Variants in FOXP1 observed in about 807,000 individuals in gnomAD.
The protein encoded by FOXP1 is forkhead box P1, also known as forkhead box protein P1.
Under a neutral mutation model 98.2 loss-of-function variants are expected in FOXP1, and 15 were observed. The observed-to-expected ratio is 0.15, with a 90% confidence interval of 0.10 to 0.24. The LOEUF (loss-of-function observed/expected upper bound fraction) is 0.24. FOXP1 is among the 10% of genes least tolerant of loss of function. FOXP1 has a pLI of 1.00. For missense variants in FOXP1, 633 were observed against 848.5 expected (o/e 0.75, Z 3.15); for synonymous variants, 371 against 314.5 (o/e 1.18, Z -1.90).
intron 5 of FOXP1, among the ~76,000 whole-genome samples, chr3:71,201,800 A>T (rs1397178843): frequency 6.6e-6 from 1 of 152,132 alleles, no homozygotes; most frequent in Non-Finnish European, 1.5e-5. Flanking sequence ...AGATTTAAAA[A>T]TATGTATATA....
At chr3:71,135,151 C>T (rs1437122377) in intron 6 of FOXP1, among the ~76,000 whole-genome samples, 5 of 147,982 alleles carry the variant, frequency 3.4e-5, no homozygotes, top group South Asian at 2.2e-4. Flanking sequence ...CCCAGCTGCT[C>T]GGGAGGCTAA....
chr3:71,087,354 A>G, intron 7 of FOXP1, among the ~76,000 whole-genome samples: 1 of 152,238 alleles, frequency 6.6e-6, no homozygotes, highest in East Asian at 1.9e-4. Context: ...TTAATTGATC[A>G]AACAACGACA....
rs9874207 is a variant in FOXP1, at chr3:70,970,599, T to C, written c.1722+137A>G. ...CCGATGTGTTTGCCTCCAGGGAGTA[T>C]GATGCTTTGTGCACTTAAGAAAAAA... is the stretch of plus-strand genomic sequence containing the variant. On this transcript the variant is annotated intron_variant, in intron 19 of 20. Transcript: ENST00000649528. 457,514 of 791,964 alleles carry C rather than the reference T, an allele frequency of 0.58. 142,059 individuals carry two copies. The highest frequency in any genetic ancestry group is 1 in the East Asian group (39,826 of 39,976). The allele number at this position is 791,964 out of a possible 1,614,324, so 49.1% of individuals were successfully genotyped here.
intron 5 of FOXP1, among the ~76,000 whole-genome samples, chr3:71,260,309 TCGGGG>T (rs1392756480): frequency 6.6e-6 from 1 of 151,976 alleles, no homozygotes; most frequent in Admixed American, 6.6e-5. Flanking sequence ...TAGGGAAGGC[TCGGGG>T]CGCGGGGGGA....
At chr3:71,573,158 G>A (rs1175315160) in intron 2 of FOXP1, among the ~76,000 whole-genome samples, 1 of 152,224 alleles carries the variant, frequency 6.6e-6, no homozygotes, top group Non-Finnish European at 1.5e-5. Flanking sequence ...TTTAGTAAAT[G>A]TGACTGTCCT....
chr3:71,056,984 C>T (rs987699933), intron 7 of FOXP1, among the ~76,000 whole-genome samples: 2 of 152,116 alleles, frequency 1.3e-5, no homozygotes, highest in Non-Finnish European at 2.9e-5. Context: ...CTATTACAGC[C>T]CACACTTTAT....
At chr3:71,417,188 A>G (rs1335830318) in intron 3 of FOXP1, among the ~76,000 whole-genome samples, 3 of 152,210 alleles carry the variant, frequency 2.0e-5, no homozygotes, top group African/African-American at 7.2e-5. Context: ...CAAATGGTAC[A>G]GACTCGCGAC....
Position 70,957,567 on chromosome 3 carries a change from G to C in FOXP1, c.*1680C>G. The C allele has an allele frequency of 4.3e-6, 1 of 232,186 alleles. No individual in the cohort carries two copies. The highest frequency in any genetic ancestry group is 6.1e-5 in the East Asian group (1 of 16,356). 14.4% of individuals were successfully genotyped at this position (232,186 alleles called of 1,614,324 possible). A position where few individuals can be genotyped will look rare whatever the true frequency, so the allele number is the denominator to read the frequency against. On this transcript the variant is annotated 3_prime_UTR_variant, in exon 21 of 21. Coordinates refer to ENST00000649528, the MANE Select transcript of FOXP1 (RefSeq NM_001349338.3). Reference sequence around the variant, plus strand: ...AAGAATATAAATTAAGCTTCGAAAGGCTCTCGAACTAAAAAAAACTACAGT... The same window carrying C: ...AAGAATATAAATTAAGCTTCGAAAGCCTCTCGAACTAAAAAAAACTACAGT...
chr3:71,347,918 A>G (rs576034107), intron 4 of FOXP1, among the ~76,000 whole-genome samples: 2 of 152,052 alleles, frequency 1.3e-5, no homozygotes, highest in South Asian at 4.2e-4. Flanking sequence ...CCCTCATTAT[A>G]CACAGGGATA....
rs140612058 is a variant in FOXP1 at position 71,481,895 on chromosome 3, G to A, written c.-168+11531C>T. ...GATGCTATTTTCTACCTAGGCCTCCGTTTTATGAAAACGCCCCACTCCACA... is the reference window on the plus strand; with the variant it reads ...GATGCTATTTTCTACCTAGGCCTCCATTTTATGAAAACGCCCCACTCCACA... On this transcript the variant is annotated intron_variant, in intron 3 of 20. Coordinates refer to ENST00000649528, the MANE Select transcript of FOXP1 (RefSeq NM_001349338.3). 1.8e-3 allele frequency among the ~76,000 whole-genome samples: 275 copies of A among 152,028 alleles called. 7 individuals are homozygous for A. The East Asian group carries it at 0.046, about 25-fold the overall frequency.
chr3:71,495,485 A>C (rs1423641092), intron 2 of FOXP1, among the ~76,000 whole-genome samples: 1 of 152,226 alleles, frequency 6.6e-6, no homozygotes, highest in Non-Finnish European at 1.5e-5. Context: ...GTATCTTTTG[A>C]GTGAATAAAT....
chr3:71,154,096 CTTTT>C (rs142389444), intron 6 of FOXP1, among the ~76,000 whole-genome samples: 2 of 150,018 alleles, frequency 1.3e-5, no homozygotes, highest in Admixed American at 1.3e-4. Flanking sequence ...TCTTCTTCTT[CTTTT>C]TTTTTGCAAT....
intron 1 of FOXP1, 151 bp downstream of exon 1, chr3:71,583,420 G>A (rs2048348037): frequency 1.1e-6 from 1 of 938,098 alleles, no homozygotes; most frequent in Non-Finnish European, 1.3e-6. Context: ...GAGGTGGAAA[G>A]TAGTTGTTTT....
At chr3:71,055,122 T>A (rs916306525) in intron 7 of FOXP1, among the ~76,000 whole-genome samples, 3 of 151,900 alleles carry the variant, frequency 2.0e-5, no homozygotes, top group African/African-American at 7.2e-5. Flanking sequence ...CTTTTTCACA[T>A]GATTTGTCCT....
At chr3:71,239,602 A>T (rs982375480) in intron 5 of FOXP1, among the ~76,000 whole-genome samples, 9 of 152,222 alleles carry the variant, frequency 5.9e-5, no homozygotes, top group Non-Finnish European at 1.0e-4. Context: ...ATTTCAAAAA[A>T]GTATAATATT....
chr3:71,442,878 CTTTTTTTATTT>C (rs1560494399), intron 3 of FOXP1, among the ~76,000 whole-genome samples: 1 of 140,008 alleles, frequency 7.1e-6, no homozygotes, highest in African/African-American at 2.5e-5. Context: ...TTATTTAAAT[CTTTTTTTATTT>C]TTTTTTTATT....
intron 5 of FOXP1, among the ~76,000 whole-genome samples, chr3:71,237,060 C>T (rs1227176403): frequency 1.3e-5 from 2 of 150,036 alleles, no homozygotes; most frequent in Non-Finnish European, 3.0e-5. Context: ...GGTGAAACCC[C>T]GCCTCTACTA....
chr3:71,112,665 G>A, intron 6 of FOXP1, 28 bp from the exon 7 acceptor site: 6 of 1,537,716 alleles, frequency 3.9e-6, no homozygotes, highest in East Asian at 2.2e-5. Context: ...AAAATCCTTT[G>A]CGTTACTACA....
At chr3:71,072,280 T>C (rs1308373823) in intron 7 of FOXP1, among the ~76,000 whole-genome samples, 1 of 152,152 alleles carries the variant, frequency 6.6e-6, no homozygotes, top group African/African-American at 2.4e-5. Context: ...GATCACGTCA[T>C]TGCACTGTAC....
Sources: gnomAD v4.1 joint callset for allele counts (sites outside exome capture counted in the v4.1 genomes callset) on GRCh38, gnomAD v4.1.1 for gene constraint, MANE v1.5 for transcripts, NCBI Gene and HGNC (gene_info 2026-07-23, HGNC 2026-07-21) for gene names.